Variants in SYT16 observed in about 807,000 individuals in gnomAD.
The protein encoded by SYT16 is synaptotagmin 16, also known as synaptotagmin-16.
SYT16 carries 42 observed loss-of-function variants against 61.4 expected under a neutral mutation model. That is an observed-to-expected ratio of 0.68 (90% CI 0.53 to 0.89). The LOEUF (loss-of-function observed/expected upper bound fraction) is 0.89. Ranked by LOEUF, SYT16 falls within the 40% of genes least tolerant of loss-of-function variation. The pLI is 0.00. For synonymous variants in SYT16, 314 were observed against 302.3 expected (o/e 1.04, Z -0.40); for missense variants, 804 against 807.3 (o/e 1.00, Z 0.05).
At chr14:62,055,706 A>G (rs1252900889) in intron 3 of SYT16, among the ~76,000 whole-genome samples, 1 of 152,228 alleles carries the variant, frequency 6.6e-6, no homozygotes, top group Non-Finnish European at 1.5e-5. Flanking sequence ...TGCAAGGACA[A>G]CTTGGGGCTG....
At position 62,057,135 on chromosome 14, in the gene SYT16, T is replaced by A. The variant is rs966637268; in HGVS notation, c.524-12468T>A. Among the ~76,000 whole-genome samples, 4 of 152,150 alleles carry A rather than the reference T, an allele frequency of 2.6e-5. No individual in the cohort carries two copies. The East Asian group carries it at 7.7e-4, about 29-fold the overall frequency. On this transcript the variant is annotated intron_variant, in intron 3 of 7. Coordinates refer to ENST00000683842, the MANE Select transcript of SYT16 (RefSeq NM_001367656.1). The stretch of plus-strand genomic sequence containing the variant: ...CCATGGTGAAAGCTGATTAGATGGT[T>A]CCCACCCAGATTGAGGGTAGGTCTG...
chr14:61,922,648 C>A (rs557160475), intron 1 of SYT16, among the ~76,000 whole-genome samples: 1 of 152,016 alleles, frequency 6.6e-6, no homozygotes, highest in Non-Finnish European at 1.5e-5. Flanking sequence ...CATTTACTTA[C>A]CTTGAATTTA....
intron 7 of SYT16, 116 bp downstream of exon 7, chr14:62,084,501 A>C (rs1042362629): frequency 4.3e-5 from 52 of 1,197,362 alleles, no homozygotes; most frequent in Non-Finnish European, 4.6e-5. Context: ...TTATGGCTTA[A>C]GCAAGCTTTC....
intron 1 of SYT16, among the ~76,000 whole-genome samples, chr14:61,928,830 G>A (rs929550087): frequency 1.3e-5 from 2 of 152,110 alleles, no homozygotes; most frequent in Non-Finnish European, 2.9e-5. Flanking sequence ...TCAGGAACAC[G>A]ATAATGAGGA....
chr14:61,829,701 C>T (rs1339875286), intron 1 of SYT16, among the ~76,000 whole-genome samples: 1 of 151,786 alleles, frequency 6.6e-6, no homozygotes, highest in African/African-American at 2.4e-5. Flanking sequence ...GTCGCCCAGG[C>T]TGGAGTACAA....
intron 5 of SYT16, among the ~76,000 whole-genome samples, chr14:62,075,624 AAAAG>A (rs1253600929): frequency 1.3e-5 from 2 of 150,606 alleles, no homozygotes; most frequent in Non-Finnish European, 3.0e-5. Context: ...AAAAAAGAAA[AAAAG>A]AAAAAAAAAT....
chr14:61,901,659 T>C (rs572325149), intron 1 of SYT16, among the ~76,000 whole-genome samples: 1 of 152,046 alleles, frequency 6.6e-6, no homozygotes, highest in East Asian at 1.9e-4. Context: ...GTAACTGGTC[T>C]TCATCTTTCA....
chr14:62,063,539 A>G (rs111318841), intron 3 of SYT16, among the ~76,000 whole-genome samples: 5 of 152,178 alleles, frequency 3.3e-5, no homozygotes, highest in South Asian at 4.2e-4. Context: ...CAAATATAAT[A>G]TCCCAGTTTT....
At chr14:62,079,613 T>A (rs1461061354) in intron 5 of SYT16, among the ~76,000 whole-genome samples, 4 of 152,208 alleles carry the variant, frequency 2.6e-5, no homozygotes, top group African/African-American at 9.7e-5. Context: ...TTTGAGGCAT[T>A]GTATTATAAT....
intron 3 of SYT16, among the ~76,000 whole-genome samples, chr14:62,067,667 G>A (rs2056117242): frequency 6.6e-6 from 1 of 152,204 alleles, no homozygotes; most frequent in African/African-American, 2.4e-5. Context: ...AATGTACATG[G>A]TGGCAGCTGT....
chr14:61,837,478 A>G (rs1287671781), intron 1 of SYT16, among the ~76,000 whole-genome samples: 1 of 151,948 alleles, frequency 6.6e-6, no homozygotes, highest in African/African-American at 2.4e-5. Context: ...GCTTCAAGTG[A>G]TCCTCCCACC....
Position 62,081,066 on chromosome 14 carries a change from G to A in SYT16, c.1226G>A (p.Gly409Glu). The A allele has an allele frequency of 6.2e-7, 1 of 1,613,720 alleles. No individual in the cohort carries two copies. The highest frequency in any genetic ancestry group is 8.5e-7 in the Non-Finnish European group (1 of 1,179,784). ...AGGGGCAGGACGAACATACAGAGAG[G>A]GCCCAACCCCGTCTTCAGGGAGAAG... is the stretch of plus-strand genomic sequence containing the variant. Reference protein sequence around the residue: ...KHRGRTNIQRGPNPVFREKVT... With the variant: ...KHRGRTNIQREPNPVFREKVT... The change falls in exon 6 of 8, where the codon GGG becomes GAG. Residue 409 changes from glycine to glutamate, a missense_variant. Physicochemically the swap from Gly to Glu is moderately conservative, Grantham distance 98. Coordinates refer to ENST00000683842, the MANE Select transcript of SYT16 (RefSeq NM_001367656.1).
At chr14:62,069,938 A>G (rs1416130645) in intron 4 of SYT16, 123 bp downstream of exon 4, 7 of 1,146,480 alleles carry the variant, frequency 6.1e-6, no homozygotes, top group African/African-American at 1.5e-5. Context: ...ATGAGGCAGG[A>G]TGCATTACGT....
At chr14:61,982,288 C>T (rs932733203) in intron 2 of SYT16, among the ~76,000 whole-genome samples, 1 of 152,034 alleles carries the variant, frequency 6.6e-6, no homozygotes, top group Admixed American at 6.6e-5. Context: ...TCCGTTTTCA[C>T]ACTGTTGATA....
At chr14:61,936,709 G>A (rs2049997250) in intron 1 of SYT16, among the ~76,000 whole-genome samples, 1 of 151,932 alleles carries the variant, frequency 6.6e-6, no homozygotes, top group Admixed American at 6.6e-5. Context: ...TCCGTTCTAT[G>A]TCTGCCTCTA....
Position 61,836,939 on chromosome 14 carries a change from A to G in SYT16, c.-325+24129A>G, listed in dbSNP as rs146526843. Among the ~76,000 whole-genome samples the G allele has an allele frequency of 4.1e-3, 625 of 152,196 alleles. 4 individuals are homozygous for G. The highest frequency in any genetic ancestry group is 0.013 in the African/African-American group (526 of 41,506). On this transcript the variant is annotated intron_variant, in intron 1 of 7. Transcript: ENST00000683842. ...TTCTGATTGCTCTGCAGATTTTCCAATCTCTCCTACCTCCCCTGCAGACAG... is the reference window on the plus strand; with the variant it reads ...TTCTGATTGCTCTGCAGATTTTCCAGTCTCTCCTACCTCCCCTGCAGACAG...
At chr14:61,948,496 G>A (rs572954139) in intron 1 of SYT16, among the ~76,000 whole-genome samples, 1 of 152,254 alleles carries the variant, frequency 6.6e-6, no homozygotes, top group East Asian at 1.9e-4. Context: ...GCCTCAGAAT[G>A]GTAAGGGTCT....
chr14:61,863,495 T>C (rs1007745815), intron 1 of SYT16, among the ~76,000 whole-genome samples: 3 of 152,380 alleles, frequency 2.0e-5, no homozygotes, highest in Non-Finnish European at 2.9e-5. Flanking sequence ...AAGAGTTCTT[T>C]GTATATTTTG....
Position 61,995,938 on chromosome 14 carries a change from A to G in SYT16, c.-82A>G, listed in dbSNP as rs1171883149. Reference sequence around the variant, plus strand: ...GAGACCTCCAAATTAATTTCTCAACATGCTTATTCTATAGTTCACATTCAA... The same window carrying G: ...GAGACCTCCAAATTAATTTCTCAACGTGCTTATTCTATAGTTCACATTCAA... On this transcript the variant is annotated 5_prime_UTR_variant, in exon 3 of 8. The change abolishes an upstream ATG in the 5' untranslated region. Transcript: ENST00000683842. 8.0e-6 allele frequency: 11 copies of G among 1,380,056 alleles called. No homozygotes were observed. Among genetic ancestry groups the G allele is most frequent in the Middle Eastern group, 2.5e-4 (1 of 3,962 alleles). 85.5% of individuals were successfully genotyped at this position (1,380,056 alleles called of 1,614,324 possible).
Sources: gnomAD v4.1 joint callset for allele counts (sites outside exome capture counted in the v4.1 genomes callset) on GRCh38, gnomAD v4.1.1 for gene constraint, MANE v1.5 for transcripts, NCBI Gene and HGNC (gene_info 2026-07-23, HGNC 2026-07-21) for gene names.